The following DOT1L variants were observed in gnomAD, a reference collection of about 807,000 sequenced individuals.
DOT1L encodes the protein DOT1 like histone lysine methyltransferase, also known as histone-lysine N-methyltransferase, H3 lysine-79 specific.
A neutral mutation model predicts 153.3 loss-of-function variants in DOT1L; 33 were observed. The ratio of observed to expected loss-of-function variants is 0.22; its 90% CI spans 0.16 to 0.29. DOT1L has a LOEUF of 0.29. Among genes scored for constraint, DOT1L ranks in the 10% least tolerant of loss-of-function variants. The pLI is 1.00. For missense variants in DOT1L, 1,847 were observed against 2,119.9 expected (o/e 0.87, Z 2.53); for synonymous variants, 1,135 against 965.1 (o/e 1.18, Z -3.26).
chr19:2,166,284 C>T (rs182012079), intron 1 of DOT1L, among the ~76,000 whole-genome samples: 1 of 150,288 alleles, frequency 6.7e-6, no homozygotes, highest in Admixed American at 6.7e-5. Context: ...TTAGTAGAGA[C>T]GGGGTTTCTC....
Position 2,230,759 on chromosome 19 carries a change from A to G in DOT1L, c.*967A>G, listed in dbSNP as rs1260042851. ...AAGAAAAGCGAGGGGAAAAAACCTTATTTATTCAAACAGTGCACAAAATGG... is the reference window on the plus strand; with the variant it reads ...AAGAAAAGCGAGGGGAAAAAACCTTGTTTATTCAAACAGTGCACAAAATGG... On this transcript the variant is annotated 3_prime_UTR_variant, in exon 28 of 28. Transcript: ENST00000398665. 4 of 396,626 alleles carry G rather than the reference A, an allele frequency of 1.0e-5. No individual in the cohort carries two copies. In the East Asian group the frequency reaches 1.4e-4, roughly 14 times the overall value. 24.6% of individuals were successfully genotyped at this position (396,626 alleles called of 1,614,324 possible). A position where few individuals can be genotyped will look rare whatever the true frequency, so the allele number is the denominator to read the frequency against.
intron 1 of DOT1L, among the ~76,000 whole-genome samples, chr19:2,171,986 G>T (rs539438223): frequency 5.6e-4 from 86 of 152,248 alleles, no homozygotes; most frequent in African/African-American, 2.0e-3. Context: ...CTCCAGGGAC[G>T]TGAAGATAAC....
In DOT1L at chr19:2,221,550, A is replaced by G. The variant is rs997687385; in HGVS notation, c.2807-426A>G. ...CATGGCTGCGGCCTTCAAGGCGGCC[A>G]TAGCTTGGAGTATCCAAGCTGAGTT... On this transcript the variant is annotated intron_variant, in intron 23 of 27. Transcript: ENST00000398665. 3 of 180,464 alleles carry G rather than the reference A, an allele frequency of 1.7e-5. No homozygotes were observed. The Admixed American group carries it at 1.7e-4, about 10-fold the overall frequency. The allele number at this position is 180,464 out of a possible 1,614,324, so 11.2% of individuals were successfully genotyped here. A position where few individuals can be genotyped will look rare whatever the true frequency, so the allele number is the denominator to read the frequency against.
chr19:2,175,004 A>ATTT (rs201460295), intron 1 of DOT1L, among the ~76,000 whole-genome samples: 40 of 107,200 alleles, frequency 3.7e-4, no homozygotes, highest in African/African-American at 2.3e-3. Flanking sequence ...GTATATATAT[A>ATTT]TTTTTTTTTT....
In DOT1L at chr19:2,217,744, C is replaced by T. The variant is rs534571750; in HGVS notation, c.2545-28C>T. 22 of 1,583,570 alleles carry T rather than the reference C, an allele frequency of 1.4e-5. No individual in the cohort carries two copies. Among genetic ancestry groups the T allele is most frequent in the East Asian group, 4.7e-5 (2 of 42,894 alleles). ...TGTCCTGGAGGGGTTTGTTGACCCA[C>T]GACTGGGGGTCGGGCCTTCGTCTGC... is the stretch of plus-strand genomic sequence containing the variant. On this transcript the variant is annotated intron_variant, in intron 21 of 27. Coordinates refer to ENST00000398665, the MANE Select transcript of DOT1L (RefSeq NM_032482.3). The surrounding 1 kb of genome is among the most constrained non-coding windows in gnomAD (Gnocchi z 7.3).
At position 2,226,715 on chromosome 19, in the gene DOT1L, G is replaced by T. The variant is rs1363080843; in HGVS notation, c.4194G>T (p.Gly1398=). ...EAGEGGLPLC[G]PTDKTPLLSG... ...GGGAGGGCGGCCTACCGCTGTGCGGGCCCACGGACAAGACCCCACTGCTGA... is the reference window on the plus strand; with the variant it reads ...GGGAGGGCGGCCTACCGCTGTGCGGTCCCACGGACAAGACCCCACTGCTGA... The change falls in exon 27 of 28, where the codon GGG becomes GGT. Residue 1398 remains glycine (G), a synonymous_variant. Transcript: ENST00000398665. 3.2e-6 allele frequency: 5 copies of T among 1,564,670 alleles called. No individual in the cohort carries two copies. The highest frequency in any genetic ancestry group is 3.4e-6 in the Non-Finnish European group (4 of 1,159,912).
chr19:2,207,669 G>A lies in DOT1L; in HGVS notation c.952G>A (p.Asp318Asn), dbSNP rs2144815302. ...AGTCTCCTACTACCTGCACACTATC[G>A]ACCGCACCATAGTGAGTATCTCGCT... ...KPVSYYLHTI[D>N]RTILENYFSS... The change falls in exon 11 of 28, where the codon GAC (aspartate) becomes AAC (asparagine). Residue 318 changes from aspartate to asparagine, a missense_variant. Asp to Asn is a conservative substitution (Grantham distance 23). This residue lies in a region of DOT1L where 148 missense variants were observed against 422.3 expected (regional missense o/e 0.35). Coordinates refer to ENST00000398665, the MANE Select transcript of DOT1L (RefSeq NM_032482.3). This position sits in a 1 kb window ranked among gnomAD's most constrained non-coding sequence, Gnocchi z 4.5. The A allele has an allele frequency of 6.2e-7, 1 of 1,611,982 alleles. No homozygotes were observed. The highest frequency in any genetic ancestry group is 8.5e-7 in the Non-Finnish European group (1 of 1,179,542).
At chr19:2,180,572 C>A (rs1034640325) in intron 1 of DOT1L, 141 bp from the exon 2 acceptor site, 6 of 983,692 alleles carry the variant, frequency 6.1e-6, no homozygotes, top group Non-Finnish European at 9.1e-6. Context: ...TGGTGGTACC[C>A]GCTGGGTGGT....
intron 27 of DOT1L, chr19:2,229,575 G>A: frequency 3.0e-6 from 3 of 985,460 alleles, no homozygotes; most frequent in Non-Finnish European, 3.6e-6. Flanking sequence ...AGCTTGGCCG[G>A]CGTGTCCAGG....
chr19:2,227,968 C>A (rs1389515767), intron 27 of DOT1L: 1 of 1,260,734 alleles, frequency 7.9e-7, no homozygotes, highest in Non-Finnish European at 1.0e-6. Flanking sequence ...CGGTCCCCCG[C>A]GGGGCCGCCC....
chr19:2,194,414 G>C, intron 6 of DOT1L, 101 bp from the exon 7 acceptor site: 3 of 1,300,324 alleles, frequency 2.3e-6, no homozygotes, highest in Non-Finnish European at 2.2e-6. Context: ...CTCATGATCC[G>C]CCCTCCTCAG....
At chr19:2,188,749 A>G (rs993816807) in intron 3 of DOT1L, among the ~76,000 whole-genome samples, 10 of 152,178 alleles carry the variant, frequency 6.6e-5, no homozygotes, top group African/African-American at 2.4e-4. Context: ...GCTGTTGTCC[A>G]CATTTTGCCA....
chr19:2,166,537 G>C (rs2019929803), intron 1 of DOT1L, among the ~76,000 whole-genome samples: 1 of 151,930 alleles, frequency 6.6e-6, no homozygotes, highest in East Asian at 1.9e-4. Flanking sequence ...TCAGCCTCCT[G>C]AGTAGCTGGG....
At position 2,226,686 on chromosome 19, in the gene DOT1L, G is replaced by T. The variant is rs2024345968; in HGVS notation, c.4165G>T (p.Ala1389Ser). ...GGGCGAGGGCAGCCGCGGCAAGGAG[G>T]CAGGGGAGGGCGGCCTACCGCTGTG... ...LKGEGSRGKEAGEGGLPLCGP... is the reference protein window; with the variant it reads ...LKGEGSRGKESGEGGLPLCGP... The change falls in exon 27 of 28, where the codon GCA (alanine) becomes TCA (serine). Residue 1389 changes from alanine (A) to serine (S), a missense_variant. Transcript: ENST00000398665. The T allele has an allele frequency of 6.4e-7, 1 of 1,573,096 alleles. No individual in the cohort carries two copies. Among genetic ancestry groups the T allele is most frequent in the Non-Finnish European group, 8.6e-7 (1 of 1,164,036 alleles).
chr19:2,211,977 G>A lies in DOT1L; in HGVS notation c.1557+135G>A, dbSNP rs899157743. On this transcript the variant is annotated intron_variant, in intron 16 of 27. Transcript: ENST00000398665. ...GCTCCCTCCTCTGCTCACCTGCTGC[G>A]AGAAACAAACCTACCCGTTTAAACC... 2.1e-5 allele frequency: 16 copies of A among 766,666 alleles called. No homozygotes were observed. In the East Asian group the frequency reaches 2.3e-4, roughly 11 times the overall value. The allele number at this position is 766,666 out of a possible 1,614,324, so 47.5% of individuals were successfully genotyped here.
chr19:2,180,098 G>A (rs1006722362), intron 1 of DOT1L, among the ~76,000 whole-genome samples: 7 of 152,180 alleles, frequency 4.6e-5, no homozygotes, highest in African/African-American at 9.7e-5. Context: ...TTAGGCCAAG[G>A]ACCTTGGTTT....
rs769994213 is a variant in DOT1L at position 2,222,219 on chromosome 19, A to G, written c.3050A>G (p.Gln1017Arg). Residue 1017 changes from glutamine to arginine, a missense_variant, in exon 24 of 28, where the codon CAG becomes CGG. Physicochemically the swap from Gln to Arg is conservative, Grantham distance 43. This residue lies in a region of DOT1L where 934 missense variants were observed against 825.3 expected (regional missense o/e 1.13). Coordinates refer to ENST00000398665, the MANE Select transcript of DOT1L (RefSeq NM_032482.3). This position sits in a 1 kb window ranked among gnomAD's most constrained non-coding sequence, Gnocchi z 6.5. ...SSSPRLGGAAQGPLPEASKGD... is the reference protein window; with the variant it reads ...SSSPRLGGAARGPLPEASKGD... Reference sequence around the variant, plus strand: ...AGTCCCCGGCTTGGTGGGGCCGCCCAGGGCCCGTTGCCCGAGGCCAGCAAG... The same window carrying G: ...AGTCCCCGGCTTGGTGGGGCCGCCCGGGGCCCGTTGCCCGAGGCCAGCAAG... The G allele has an allele frequency of 2.5e-6, 4 of 1,613,074 alleles. No homozygotes were observed. The East Asian group carries it at 8.9e-5, about 36-fold the overall frequency.
At chr19:2,212,145 C>T (rs1034031744) in intron 16 of DOT1L, 25 of 303,680 alleles carry the variant, frequency 8.2e-5, no homozygotes, top group African/African-American at 4.9e-4. Context: ...TCCCCCGGTT[C>T]CTCAAAGGCT....
Position 2,227,293 on chromosome 19 carries a change from G to C in DOT1L, c.4606+166G>C, listed in dbSNP as rs2024392881. The C allele has an allele frequency of 4.5e-6, 4 of 896,322 alleles. No individual in the cohort carries two copies. The Admixed American group carries it at 7.2e-5, about 16-fold the overall frequency. The allele number at this position is 896,322 out of a possible 1,614,324, so 55.5% of individuals were successfully genotyped here. On this transcript the variant is annotated intron_variant, in intron 27 of 27. Transcript: ENST00000398665. ...CACGGTGGCGAACTCCAGTCCTGTGGGGAGAGGGCTCACGCTGAGTCCGTG... is the reference window on the plus strand; with the variant it reads ...CACGGTGGCGAACTCCAGTCCTGTGCGGAGAGGGCTCACGCTGAGTCCGTG...
Sources: gnomAD v4.1 joint callset for allele counts (sites outside exome capture counted in the v4.1 genomes callset) on GRCh38, gnomAD v4.1.1 for gene constraint, gnomAD v4.1.1 regional missense constraint, Gnocchi (gnomAD v3.1) non-coding constraint, MANE v1.5 for transcripts, NCBI Gene and HGNC (gene_info 2026-07-23, HGNC 2026-07-21) for gene names.